Variants in DCLK1 observed in about 807,000 individuals in gnomAD.
DCLK1 encodes doublecortin like kinase 1, also known as serine/threonine-protein kinase DCLK1.
In DCLK1, 16 loss-of-function variants were observed where a neutral mutation model predicts 86.2. That is an observed-to-expected ratio of 0.19 (90% CI 0.13 to 0.28). The LOEUF (loss-of-function observed/expected upper bound fraction) is 0.28, where lower values mean the gene tolerates loss of function less well. Among genes scored for constraint, DCLK1 ranks in the 10% least tolerant of loss-of-function variants. DCLK1 has a pLI of 1.00. For missense variants in DCLK1, 590 were observed against 940.2 expected (o/e 0.63, Z 4.87); for synonymous variants, 369 against 370.5 (o/e 1.00, Z 0.05).
rs565875040 is a variant in DCLK1, at chr13:35,819,260, G to A, written c.1554+3469C>T. Among the ~76,000 whole-genome samples, 3 of 152,218 alleles carry A rather than the reference G, an allele frequency of 2.0e-5. No homozygotes were observed. In the East Asian group the frequency reaches 5.8e-4, roughly 29 times the overall value. On this transcript the variant is annotated intron_variant, in intron 11 of 16. Transcript: ENST00000360631. ...TCAATGCCCAGTTTTCACCTAAAAT[G>A]TGGCTGAAAACATCCCTGTAAGTCA...
At chr13:35,852,978 G>C (rs562894805) in intron 6 of DCLK1, among the ~76,000 whole-genome samples, 2 of 152,340 alleles carry the variant, frequency 1.3e-5, no homozygotes, top group East Asian at 3.9e-4. Context: ...CTAAGAGACA[G>C]AATGTTCTCA....
intron 4 of DCLK1, among the ~76,000 whole-genome samples, chr13:35,889,641 T>C (rs1474253142): frequency 2.0e-5 from 3 of 152,154 alleles, no homozygotes; most frequent in African/African-American, 7.2e-5. Flanking sequence ...TCGTTTTCTT[T>C]CCCCCCTTAA....
intron 3 of DCLK1, among the ~76,000 whole-genome samples, chr13:35,992,831 C>A (rs1880296206): frequency 6.6e-6 from 1 of 152,050 alleles, no homozygotes; most frequent in South Asian, 2.1e-4. Context: ...ATCCTTTTTC[C>A]TTTGTGTGAC....
intron 3 of DCLK1, among the ~76,000 whole-genome samples, chr13:36,104,280 C>G (rs1885319121): frequency 6.6e-6 from 1 of 152,152 alleles, no homozygotes; most frequent in Non-Finnish European, 1.5e-5. Flanking sequence ...GCAAACTGGT[C>G]AATCATCCAG....
chr13:35,865,089 T>G (rs1403841480), intron 5 of DCLK1, among the ~76,000 whole-genome samples: 1 of 152,196 alleles, frequency 6.6e-6, no homozygotes, highest in Admixed American at 6.5e-5. Context: ...AACTGAAATT[T>G]TATCAGTCTT....
At chr13:35,924,669 G>C (rs1876009944) in intron 4 of DCLK1, among the ~76,000 whole-genome samples, 1 of 152,112 alleles carries the variant, frequency 6.6e-6, no homozygotes, top group South Asian at 2.1e-4. Flanking sequence ...AAATAAAAAA[G>C]AAATGGAAGG....
chr13:35,783,583 A>G (rs2086568514), intron 16 of DCLK1, among the ~76,000 whole-genome samples: 1 of 151,988 alleles, frequency 6.6e-6, no homozygotes, highest in Non-Finnish European at 1.5e-5. Context: ...ATTGAATCTC[A>G]ATCTCCATGA....
intron 4 of DCLK1, among the ~76,000 whole-genome samples, chr13:35,924,147 T>A (rs7319599): frequency 0.055 from 8,450 of 152,266 alleles, 305 homozygotes; most frequent in South Asian, 0.11. Flanking sequence ...TAAAGCCCCT[T>A]GATGTGTGCA....
chr13:35,950,877 T>G (rs1457001901), intron 3 of DCLK1, among the ~76,000 whole-genome samples: 1 of 151,996 alleles, frequency 6.6e-6, no homozygotes, highest in Non-Finnish European at 1.5e-5. Context: ...CTGCAATAAC[T>G]TTCAAACCCA....
rs181840583 is a variant in DCLK1 at position 35,861,926 on chromosome 13, G to A, written c.941-7333C>T. Reference sequence around the variant, plus strand: ...CGGGCACCTGTAGTCCCAGCTACTCGAAGGCTGAGGCGGGAGAATGGCATG... The same window carrying A: ...CGGGCACCTGTAGTCCCAGCTACTCAAAGGCTGAGGCGGGAGAATGGCATG... On this transcript the variant is annotated intron_variant, in intron 5 of 16. Coordinates refer to ENST00000360631, the MANE Select transcript of DCLK1 (RefSeq NM_001330071.2). 3.5e-4 allele frequency among the ~76,000 whole-genome samples: 53 copies of A among 150,248 alleles called. No individual in the cohort carries two copies. The East Asian group carries it at 8.9e-3, about 25-fold the overall frequency.
intron 3 of DCLK1, among the ~76,000 whole-genome samples, chr13:36,044,765 G>C (rs746955694): frequency 6.6e-6 from 1 of 151,928 alleles, no homozygotes; most frequent in Non-Finnish European, 1.5e-5. Context: ...AAGATAACAA[G>C]TTTTTATCAA....
Position 36,051,849 on chromosome 13 carries a change from T to C in DCLK1, c.723+60020A>G, listed in dbSNP as rs73525218. ...CTGAACTTCAATACTTTCCTTATTA[T>C]AGTGATAGCCATCTAGAAAGCTATG... On this transcript the variant is annotated intron_variant, in intron 3 of 16. Coordinates refer to ENST00000360631, the MANE Select transcript of DCLK1 (RefSeq NM_001330071.2). 8.3e-3 allele frequency among the ~76,000 whole-genome samples: 1,267 copies of C among 152,274 alleles called. 14 individuals are homozygous for C. Among genetic ancestry groups the C allele is most frequent in the African/African-American group, 0.029 (1,192 of 41,558 alleles).
chr13:35,789,840 T>C (rs149815152), intron 16 of DCLK1, among the ~76,000 whole-genome samples: 3 of 152,284 alleles, frequency 2.0e-5, no homozygotes, highest in East Asian at 3.9e-4. Context: ...TCATTTCATG[T>C]CTATAAATTG....
At chr13:35,846,022 G>A in intron 6 of DCLK1, 1 of 985,384 alleles carries the variant, frequency 1.0e-6, no homozygotes, top group Non-Finnish European at 1.2e-6. Context: ...TGAAACCACA[G>A]CACAAAGTAA....
At chr13:35,949,854 T>C (rs1375453265) in intron 3 of DCLK1, among the ~76,000 whole-genome samples, 1 of 62,714 alleles carries the variant, frequency 1.6e-5, no homozygotes, top group Non-Finnish European at 3.1e-5. Context: ...AAGCGGGAAA[T>C]GAAACGTGAT....
At chr13:36,006,837 C>T (rs1880988193) in intron 3 of DCLK1, among the ~76,000 whole-genome samples, 1 of 152,212 alleles carries the variant, frequency 6.6e-6, no homozygotes, top group East Asian at 1.9e-4. Context: ...TTAAGTTTCC[C>T]CATCTGTAAG....
At chr13:36,011,799 G>A (rs1389506612) in intron 3 of DCLK1, among the ~76,000 whole-genome samples, 2 of 149,650 alleles carry the variant, frequency 1.3e-5, no homozygotes, top group Admixed American at 6.7e-5. Flanking sequence ...TTTCTGTCTC[G>A]TTCATCTGTC....
At chr13:35,968,231 G>C (rs1159123531) in intron 3 of DCLK1, among the ~76,000 whole-genome samples, 1 of 152,180 alleles carries the variant, frequency 6.6e-6, no homozygotes, top group East Asian at 1.9e-4. Context: ...AGGGGCTGGA[G>C]TGAGGAGGAA....
intron 3 of DCLK1, among the ~76,000 whole-genome samples, chr13:36,004,346 A>G (rs1880852378): frequency 1.3e-5 from 2 of 152,348 alleles, no homozygotes; most frequent in Non-Finnish European, 1.5e-5. Flanking sequence ...TATTAGCTCA[A>G]TGAAAGCAGG....
Sources: allele counts gnomAD v4.1 joint callset (sites outside exome capture counted in the v4.1 genomes callset), GRCh38; gene constraint gnomAD v4.1.1; transcripts MANE v1.5; gene names NCBI Gene and HGNC (gene_info 2026-07-23, HGNC 2026-07-21).